ELF2: variants seen among roughly 807,000 people sequenced by gnomAD.
The protein encoded by ELF2 is E74 like ETS transcription factor 2.
A neutral mutation model predicts 54.8 loss-of-function variants in ELF2; 11 were observed. The ratio of observed to expected loss-of-function variants is 0.20; its 90% CI spans 0.13 to 0.33. The LOEUF is 0.33. ELF2 is among the 10% of genes least tolerant of loss of function. The pLI is 1.00. For synonymous variants in ELF2, 203 were observed against 245.1 expected, an observed-to-expected ratio of 0.83 and a Z score of 1.61; for missense variants, 513 against 703.0, an observed-to-expected ratio of 0.73 and a Z score of 3.06.
intron 1 of ELF2, among the ~76,000 whole-genome samples, chr4:139,169,076 G>A (rs891628336): frequency 3.9e-5 from 6 of 152,112 alleles, no homozygotes; most frequent in African/African-American, 7.2e-5. Context: ...GGCCGAGACA[G>A]GCAGATCACG....
intron 4 of ELF2, among the ~76,000 whole-genome samples, chr4:139,121,513 T>C (rs1736348808): frequency 6.6e-6 from 1 of 151,696 alleles, no homozygotes; most frequent in Non-Finnish European, 1.5e-5. Flanking sequence ...TTTAAATTTA[T>C]ATTATATATA....
chr4:139,094,860 T>G (rs1392206283), intron 4 of ELF2, among the ~76,000 whole-genome samples: 3 of 152,170 alleles, frequency 2.0e-5, no homozygotes, highest in African/African-American at 7.2e-5. Flanking sequence ...AGGTCCCTAG[T>G]AAAGGGTGTT....
intron 1 of ELF2, among the ~76,000 whole-genome samples, chr4:139,174,346 GT>G (rs1047104535): frequency 2.6e-5 from 4 of 151,846 alleles, no homozygotes; most frequent in African/African-American, 9.7e-5. Context: ...CGCATTTATG[GT>G]TTCATTTACA....
chr4:139,132,200 C>CA (rs1219399345), intron 3 of ELF2, among the ~76,000 whole-genome samples: 2 of 150,970 alleles, frequency 1.3e-5, no homozygotes, highest in East Asian at 1.9e-4. Flanking sequence ...GTACAAAAAC[C>CA]AAAAAAATAA....
rs2148752691 is a variant in ELF2, at chr4:139,089,375, T to C, written c.239-15808A>G. Among the ~76,000 whole-genome samples, 2 of 152,316 alleles carry C rather than the reference T, an allele frequency of 1.3e-5. 1 individual carries two copies. Among genetic ancestry groups the C allele is most frequent in the South Asian group, 4.1e-4 (2 of 4,834 alleles). On this transcript the variant is annotated intron_variant, in intron 4 of 9. Transcript: ENST00000686138. ...TCATATCCCCTTCTCAACCAGAACC[T>C]GCAACTACTCATTTATGCTGTAAAA...
At chr4:139,147,079 T>G (rs1406839796) in intron 1 of ELF2, among the ~76,000 whole-genome samples, 1 of 151,952 alleles carries the variant, frequency 6.6e-6, no homozygotes, top group African/African-American at 2.4e-5. Flanking sequence ...ATAATCAGCA[T>G]CATCATCAGA....
At chr4:139,173,913 C>A (rs917097161) in intron 1 of ELF2, among the ~76,000 whole-genome samples, 1 of 151,264 alleles carries the variant, frequency 6.6e-6, no homozygotes, top group Non-Finnish European at 1.5e-5. Context: ...TATGGTGAAA[C>A]CCCATCTCTA....
intron 1 of ELF2, among the ~76,000 whole-genome samples, chr4:139,143,330 C>T (rs1382392327): frequency 6.6e-6 from 1 of 152,174 alleles, no homozygotes; most frequent in Non-Finnish European, 1.5e-5. Flanking sequence ...TGCTTCTGAT[C>T]ACAGAGGAGC....
chr4:139,067,606 A>T (rs775236615), intron 7 of ELF2, 78 bp downstream of exon 7: 1 of 1,427,996 alleles, frequency 7.0e-7, no homozygotes, highest in Non-Finnish European at 9.9e-7. Context: ...TACTAGAAAT[A>T]GTTTTCTTAC....
At position 139,144,587 on chromosome 4, in the gene ELF2, C is replaced by T. The variant is rs184720364; in HGVS notation, c.-251-5090G>A. Among the ~76,000 whole-genome samples the T allele has an allele frequency of 3.3e-5, 5 of 152,296 alleles. No individual in the cohort carries two copies. The East Asian group carries it at 5.8e-4, about 18-fold the overall frequency. ...GGCATTGCCAGTGGATGAAAAGGGG[C>T]GTGGCCTGAAAGCTGAGGTTCCTGT... On this transcript the variant is annotated intron_variant, in intron 1 of 9. Transcript: ENST00000686138.
chr4:139,080,054 A>C (rs997803843), intron 4 of ELF2, among the ~76,000 whole-genome samples: 2 of 152,236 alleles, frequency 1.3e-5, no homozygotes, highest in Admixed American at 1.3e-4. Context: ...TGACACAAGG[A>C]ATCATTTTAA....
intron 3 of ELF2, among the ~76,000 whole-genome samples, chr4:139,129,063 T>C (rs55972140): frequency 0.36 from 54,544 of 151,858 alleles, 10,714 homozygotes; most frequent in African/African-American, 0.53. Context: ...CTCAGCCCCC[T>C]GAGTAGCTGG....
intron 4 of ELF2, among the ~76,000 whole-genome samples, chr4:139,083,922 G>T (rs1250343506): frequency 6.6e-6 from 1 of 152,194 alleles, no homozygotes; most frequent in Non-Finnish European, 1.5e-5. Context: ...GACAGCGCCG[G>T]ATTCGAGGCA....
At position 139,092,137 on chromosome 4, in the gene ELF2, GGATCACCC is replaced by G. The variant is rs1732659314; in HGVS notation, c.239-18578_239-18571del. ...AGCACTTTGGGAGGGCGAGGCGGTT[GGATCACCC>G]GAGGTCAGGAGTTCAAGACCAGCCT... On this transcript the variant is annotated intron_variant, in intron 4 of 9. Coordinates refer to ENST00000686138, the MANE Select transcript of ELF2 (RefSeq NM_001331036.3). Among the ~76,000 whole-genome samples, 4 of 151,586 alleles carry G rather than the reference GGATCACCC, an allele frequency of 2.6e-5. 1 individual carries two copies. In the South Asian group the frequency reaches 8.3e-4, roughly 32 times the overall value.
rs776858948 is a variant in ELF2, at chr4:139,073,536, G to A, written c.270C>T (p.His90=). The change falls in exon 5 of 10, where the codon CAC becomes CAT. Residue 90 remains histidine (H), a synonymous_variant. Transcript: ENST00000686138. ...VEASVHSSNA[H]CTDKTIEAAE... ...CAGCTTCAATTGTCTTATCTGTACA[G>A]TGTGCATTACTGCTGTGAACTGATG... The A allele has an allele frequency of 6.2e-7, 1 of 1,601,058 alleles. No individual in the cohort carries two copies. Among genetic ancestry groups the A allele is most frequent in the South Asian group, 1.1e-5 (1 of 89,138 alleles).
At chr4:139,123,199 T>C (rs991146714) in intron 4 of ELF2, among the ~76,000 whole-genome samples, 48 of 149,002 alleles carry the variant, frequency 3.2e-4, no homozygotes, top group African/African-American at 1.1e-3. Flanking sequence ...AAAAAAAAAA[T>C]CCGTGAGCCA....
At chr4:139,060,818 CTGCCTAGATTGCTCAA>C (rs1727726836) in intron 8 of ELF2, 144 bp from the exon 9 acceptor site, 2 of 706,782 alleles carry the variant, frequency 2.8e-6, no homozygotes, top group Non-Finnish European at 4.5e-6. Context: ...CAAACTCTTA[CTGCCTAGATTGCTCAA>C]AAGGTTACAA....
intron 4 of ELF2, among the ~76,000 whole-genome samples, chr4:139,103,013 G>T (rs1403767572): frequency 6.6e-6 from 1 of 152,084 alleles, no homozygotes; most frequent in Non-Finnish European, 1.5e-5. Flanking sequence ...AAGTGGCTGG[G>T]ACTTCAGGCA....
intron 1 of ELF2, among the ~76,000 whole-genome samples, chr4:139,160,823 C>A (rs944267603): frequency 3.3e-5 from 5 of 151,968 alleles, no homozygotes; most frequent in Admixed American, 3.3e-4. Flanking sequence ...ATTAGCCGGG[C>A]ATAGTGGCTC....
Sources: gnomAD v4.1 joint callset for allele counts (sites outside exome capture counted in the v4.1 genomes callset) on GRCh38, gnomAD v4.1.1 for gene constraint, MANE v1.5 for transcripts, NCBI Gene and HGNC (gene_info 2026-07-23, HGNC 2026-07-21) for gene names.